SLC25A26: variants seen among roughly 807,000 people sequenced by gnomAD.
SLC25A26 encodes the protein mitochondrial S-adenosylmethionine carrier protein.
A neutral mutation model predicts 37.8 loss-of-function variants in SLC25A26; 36 were observed. The observed-to-expected ratio is 0.95, with a 90% confidence interval of 0.73 to 1.26. The LOEUF is 1.26. Ranked by LOEUF, SLC25A26 falls within the 50% of genes most tolerant of loss-of-function variation. The probability of loss-of-function intolerance (pLI) is 0.00; values close to 1 mark genes in which losing one functional copy is unlikely to be tolerated. For synonymous variants in SLC25A26, 129 were observed against 122.5 expected (o/e 1.05, Z -0.35); for missense variants, 390 against 331.1 (o/e 1.18, Z -1.38).
chr3:66,179,717 GC>G (rs951358946), intron 1 of SLC25A26, among the ~76,000 whole-genome samples: 35 of 151,646 alleles, frequency 2.3e-4, no homozygotes, highest in African/African-American at 6.8e-4. Flanking sequence ...TTGTTACTGG[GC>G]TTTTTTTTTT....
chr3:66,137,856 G>A (rs2069970284), intron 1 of SLC25A26, among the ~76,000 whole-genome samples: 2 of 151,548 alleles, frequency 1.3e-5, no homozygotes, highest in African/African-American at 2.4e-5. Context: ...TGTTTTTTGA[G>A]ACAGTGTCGC....
chr3:66,250,914 G>A lies in SLC25A26; in HGVS notation c.300+7602G>A, dbSNP rs187111016. 3.9e-5 allele frequency among the ~76,000 whole-genome samples: 6 copies of A among 152,320 alleles called. No homozygotes were observed. The East Asian group carries it at 1.2e-3, about 29-fold the overall frequency. On this transcript the variant is annotated intron_variant, in intron 3 of 9. Transcript: ENST00000354883. Reference sequence around the variant, plus strand: ...TAAAATGGTTGCCACAGTGAAGTAAGTCAACATATCCATCATTTAACATAA... The same window carrying A: ...TAAAATGGTTGCCACAGTGAAGTAAATCAACATATCCATCATTTAACATAA...
chr3:66,199,896 C>T (rs2071087969), intron 1 of SLC25A26, among the ~76,000 whole-genome samples: 2 of 152,184 alleles, frequency 1.3e-5, no homozygotes, highest in South Asian at 2.1e-4. Flanking sequence ...CCTTCAACTA[C>T]ACCCTAACCA....
chr3:66,374,092 T>G (rs1199050584), intron 9 of SLC25A26, among the ~76,000 whole-genome samples: 1 of 152,160 alleles, frequency 6.6e-6, no homozygotes, highest in Admixed American at 6.5e-5. Context: ...TGACCAGAAG[T>G]CTTTTCACTG....
intron 5 of SLC25A26, among the ~76,000 whole-genome samples, chr3:66,326,404 T>C (rs2075838682): frequency 6.6e-6 from 1 of 152,216 alleles, no homozygotes; most frequent in African/African-American, 2.4e-5. Context: ...GAGGAGGGGT[T>C]GCCTGCCCTG....
At chr3:66,179,100 T>A (rs1477236388) in intron 1 of SLC25A26, among the ~76,000 whole-genome samples, 1 of 152,230 alleles carries the variant, frequency 6.6e-6, no homozygotes, top group Non-Finnish European at 1.5e-5. Flanking sequence ...CTTGTTTTAG[T>A]TGGGAGATAC....
rs574934914 is a variant in SLC25A26, at chr3:66,378,886, A to G, written c.*1079A>G. On this transcript the variant is annotated 3_prime_UTR_variant, in exon 10 of 10. Coordinates refer to ENST00000354883, the MANE Select transcript of SLC25A26 (RefSeq NM_001379210.1). The stretch of plus-strand genomic sequence containing the variant: ...TTACATGGTTTTCAATGTACACTGT[A>G]CCAAAATTTCTATAAATAAATAACT... 6.5e-6 allele frequency: 1 copy of G among 152,806 alleles called. No individual in the cohort carries two copies. The highest frequency in any genetic ancestry group is 1.9e-4 in the East Asian group (1 of 5,192). The allele number at this position is 152,806 out of a possible 1,614,324, so 9.5% of individuals were successfully genotyped here.
chr3:66,243,078 G>T (rs1308361766), intron 2 of SLC25A26, 125 bp from the exon 3 acceptor site: 19 of 581,180 alleles, frequency 3.3e-5, no homozygotes, highest in Non-Finnish European at 5.5e-5. Flanking sequence ...AAAGATATGT[G>T]CTTATCACCT....
At chr3:66,175,099 ATGTG>A (rs202148683) in intron 1 of SLC25A26, among the ~76,000 whole-genome samples, 4 of 109,724 alleles carry the variant, frequency 3.6e-5, no homozygotes, top group Admixed American at 2.0e-4. Flanking sequence ...GTATATGTAT[ATGTG>A]TGTGTGTATA....
intron 5 of SLC25A26, among the ~76,000 whole-genome samples, chr3:66,290,260 A>G (rs1295705089): frequency 6.6e-6 from 1 of 152,200 alleles, no homozygotes; most frequent in African/African-American, 2.4e-5. Flanking sequence ...TCATCTGCAA[A>G]CAGAGACAAT....
intron 1 of SLC25A26, among the ~76,000 whole-genome samples, chr3:66,227,741 G>C (rs781829811): frequency 5.3e-5 from 8 of 152,116 alleles, no homozygotes; most frequent in Non-Finnish European, 1.0e-4. Flanking sequence ...CGTGATACTT[G>C]GGTGTCTTCT....
chr3:66,358,029 C>T (rs956373135), intron 6 of SLC25A26, among the ~76,000 whole-genome samples: 5 of 152,096 alleles, frequency 3.3e-5, no homozygotes, highest in Admixed American at 1.3e-4. Context: ...GTCAGTAAAT[C>T]CCAACTAATA....
intron 5 of SLC25A26, among the ~76,000 whole-genome samples, chr3:66,263,820 A>C (rs2073633007): frequency 6.6e-6 from 1 of 151,824 alleles, no homozygotes; most frequent in African/African-American, 2.4e-5. Context: ...CAGCACGCCC[A>C]GTTGATTTTT....
intron 5 of SLC25A26, chr3:66,323,992 G>A (rs1282376791): frequency 6.6e-6 from 1 of 152,114 alleles, no homozygotes; most frequent in Non-Finnish European, 1.5e-5. Context: ...TCAGTGTGAT[G>A]ACCTCCTGGA....
chr3:66,282,102 C>T (rs2074365466), intron 5 of SLC25A26, among the ~76,000 whole-genome samples: 1 of 148,834 alleles, frequency 6.7e-6, no homozygotes, highest in African/African-American at 2.5e-5. Flanking sequence ...AGCTCCGCTT[C>T]CCAGGTTCAC....
intron 1 of SLC25A26, among the ~76,000 whole-genome samples, chr3:66,170,689 TTCCA>T (rs1446439456): frequency 6.6e-6 from 1 of 152,008 alleles, no homozygotes; most frequent in Non-Finnish European, 1.5e-5. Context: ...AACTCTGCTA[TTCCA>T]TCCATCTATA....
intron 1 of SLC25A26, among the ~76,000 whole-genome samples, chr3:66,206,995 G>A (rs1015246740): frequency 2.0e-5 from 3 of 150,570 alleles, no homozygotes; most frequent in African/African-American, 7.4e-5. Flanking sequence ...GTCTGCCTTG[G>A]CCTCCCACAG....
At chr3:66,201,523 A>T (rs1463682500) in intron 1 of SLC25A26, among the ~76,000 whole-genome samples, 1 of 151,966 alleles carries the variant, frequency 6.6e-6, no homozygotes, top group Non-Finnish European at 1.5e-5. Flanking sequence ...TTAAATAGAG[A>T]TGGGGTTTCA....
chr3:66,235,192 T>A (rs1303639022), intron 1 of SLC25A26, among the ~76,000 whole-genome samples: 5 of 152,204 alleles, frequency 3.3e-5, no homozygotes, highest in Non-Finnish European at 5.9e-5. Flanking sequence ...AGGATTCATA[T>A]GTATTAGCCT....
Sources: allele counts gnomAD v4.1 joint callset (sites outside exome capture counted in the v4.1 genomes callset), GRCh38; gene constraint gnomAD v4.1.1; transcripts MANE v1.5; gene names NCBI Gene and HGNC (gene_info 2026-07-23, HGNC 2026-07-21).